The following FBXW11 variants were observed in gnomAD, a reference collection of about 807,000 sequenced individuals.
The protein encoded by FBXW11 is F-box and WD repeat domain containing 11, also known as F-box/WD repeat-containing protein 11.
Under a neutral mutation model 77.6 loss-of-function variants are expected in FBXW11, and 19 were observed. That is an observed-to-expected ratio of 0.24 (90% CI 0.17 to 0.36). The LOEUF (loss-of-function observed/expected upper bound fraction) is 0.36, where lower values mean the gene tolerates loss of function less well. FBXW11 is among the 10% of genes least tolerant of loss of function. The probability of loss-of-function intolerance (pLI) is 1.00; values close to 1 mark genes in which losing one functional copy is unlikely to be tolerated. For synonymous variants in FBXW11, 235 were observed against 249.4 expected (o/e 0.94, Z 0.54); for missense variants, 334 against 704.2 (o/e 0.47, Z 5.95).
At chr5:171,887,576 GTA>G (rs1344612030) in intron 7 of FBXW11, among the ~76,000 whole-genome samples, 1 of 152,046 alleles carries the variant, frequency 6.6e-6, no homozygotes, top group African/African-American at 2.4e-5. Context: ...GGGACAACAG[GTA>G]GATGTGGCAA....
In FBXW11 at chr5:171,876,477, A is replaced by G. The variant is rs754342662; in HGVS notation, c.1029T>C (p.Ala343=). 6.2e-7 allele frequency: 1 copy of G among 1,614,220 alleles called. No homozygotes were observed. Among genetic ancestry groups the G allele is most frequent in the South Asian group, 1.1e-5 (1 of 91,080 alleles). ...VLNTLIHHNE[A]VLHLRFSNGL... ...CATTGCTGAAGCGTAAGTGCAATACAGCCTCATTGTGGTGGATCAATGTGT... is the reference window on the plus strand; with the variant it reads ...CATTGCTGAAGCGTAAGTGCAATACGGCCTCATTGTGGTGGATCAATGTGT... The change falls in exon 9 of 14, where the codon GCT becomes GCC. Residue 343 remains alanine (A), a synonymous_variant. Coordinates refer to ENST00000517395, the MANE Select transcript of FBXW11 (RefSeq NM_001378974.1). The surrounding 1 kb of genome is among the most constrained non-coding windows in gnomAD (Gnocchi z 4.2).
intron 1 of FBXW11, among the ~76,000 whole-genome samples, chr5:171,964,311 A>G (rs553399006): frequency 6.6e-5 from 10 of 152,364 alleles, no homozygotes; most frequent in African/African-American, 2.4e-4. Context: ...AAGAGAAATA[A>G]AAGATCAATT....
intron 1 of FBXW11, among the ~76,000 whole-genome samples, chr5:171,961,355 A>G (rs1348393783): frequency 6.6e-6 from 1 of 152,240 alleles, no homozygotes; most frequent in African/African-American, 2.4e-5. Context: ...ACAGTGGTTA[A>G]AAAGTATTAC....
chr5:172,004,463 A>C (rs1032403782), intron 1 of FBXW11, among the ~76,000 whole-genome samples: 1 of 152,234 alleles, frequency 6.6e-6, no homozygotes, highest in Non-Finnish European at 1.5e-5. Context: ...AAACTTTTTA[A>C]GTTATAAGCA....
chr5:171,959,708 C>T (rs1206574250), intron 1 of FBXW11, among the ~76,000 whole-genome samples: 1 of 151,528 alleles, frequency 6.6e-6, no homozygotes, highest in African/African-American at 2.4e-5. Context: ...ATTAGCCAGG[C>T]GTGTGGTGGC....
intron 1 of FBXW11, among the ~76,000 whole-genome samples, chr5:171,998,336 CTTT>C (rs778327855): frequency 1.7e-5 from 2 of 114,828 alleles, no homozygotes; most frequent in Non-Finnish European, 1.7e-5. Flanking sequence ...TTTTTCTTGT[CTTT>C]TTTTTTTTTT....
chr5:171,890,208 C>G (rs996724849), intron 7 of FBXW11, among the ~76,000 whole-genome samples: 7 of 151,900 alleles, frequency 4.6e-5, no homozygotes, highest in South Asian at 2.1e-4. Flanking sequence ...CTGAGATGAT[C>G]AAGGGCTGAC....
intron 2 of FBXW11, among the ~76,000 whole-genome samples, chr5:171,956,641 A>C (rs1345397066): frequency 1.3e-5 from 2 of 152,226 alleles, no homozygotes; most frequent in Non-Finnish European, 2.9e-5. Context: ...GATAAACTTG[A>C]GAACAGCAAA....
rs111850090 is a variant in FBXW11 at position 171,909,685 on chromosome 5, ATGTG to A, written c.436+883_436+886del. Among the ~76,000 whole-genome samples the A allele has an allele frequency of 1.9e-3, 278 of 150,038 alleles. 1 individual carries two copies. The highest frequency in any genetic ancestry group is 3.6e-3 in the African/African-American group (148 of 40,976). ...TAAAAATCAAAGTAAATTTAACCAG[ATGTG>A]TGTGTGTGTGTGTGTGTGCACGTGC... On this transcript the variant is annotated intron_variant, in intron 4 of 13. Transcript: ENST00000517395.
At chr5:171,943,932 C>T (rs1429215954) in intron 2 of FBXW11, among the ~76,000 whole-genome samples, 7 of 152,112 alleles carry the variant, frequency 4.6e-5, no homozygotes, top group African/African-American at 9.7e-5. Context: ...CATAATGAGA[C>T]GTAAACACTC....
At chr5:171,969,678 A>G (rs1764414538) in intron 1 of FBXW11, among the ~76,000 whole-genome samples, 1 of 152,160 alleles carries the variant, frequency 6.6e-6, no homozygotes, top group Non-Finnish European at 1.5e-5. Context: ...TGCCTTCAAG[A>G]GTATTAAAAC....
At chr5:171,938,130 T>G (rs1762570989) in intron 2 of FBXW11, among the ~76,000 whole-genome samples, 1 of 152,218 alleles carries the variant, frequency 6.6e-6, no homozygotes, top group South Asian at 2.1e-4. Flanking sequence ...CGATCATAGC[T>G]CACTACAGCC....
intron 1 of FBXW11, among the ~76,000 whole-genome samples, chr5:171,988,433 C>G (rs1039370171): frequency 2.6e-5 from 4 of 152,122 alleles, no homozygotes; most frequent in African/African-American, 9.7e-5. Context: ...CTGAGACAAT[C>G]TGAGCATTAG....
intron 2 of FBXW11, among the ~76,000 whole-genome samples, chr5:171,956,747 T>C (rs1297886853): frequency 1.3e-5 from 2 of 152,236 alleles, no homozygotes; most frequent in Non-Finnish European, 2.9e-5. Flanking sequence ...AGGAATTTAA[T>C]ATGGCTTTTC....
intron 1 of FBXW11, chr5:171,977,733 C>T (rs1764917501): frequency 2.7e-6 from 1 of 374,630 alleles, no homozygotes; most frequent in Non-Finnish European, 5.3e-6. Flanking sequence ...GAGAGAGAAG[C>T]TTGTGCAGGG....
intron 2 of FBXW11, among the ~76,000 whole-genome samples, chr5:171,948,272 G>A (rs1026591655): frequency 6.6e-6 from 1 of 150,450 alleles, no homozygotes; most frequent in African/African-American, 2.4e-5. Context: ...ATACTTCAGT[G>A]TATGGAGTAT....
At chr5:171,868,470 T>G (rs1433254256) in intron 13 of FBXW11, 140 bp downstream of exon 13, 1 of 600,942 alleles carries the variant, frequency 1.7e-6, no homozygotes, top group Non-Finnish European at 2.9e-6. Flanking sequence ...GATCCAGCCT[T>G]ACACTTGAAC....
At chr5:171,917,766 CTGTGTG>C (rs60601173) in intron 2 of FBXW11, among the ~76,000 whole-genome samples, 2,441 of 147,574 alleles carry the variant, frequency 0.017, 37 homozygotes, top group South Asian at 0.031. Context: ...TAGACTCACT[CTGTGTG>C]TGTGTGTGTG....
chr5:171,863,015 G>A lies in FBXW11; in HGVS notation c.*1112C>T, dbSNP rs1757181073. On this transcript the variant is annotated 3_prime_UTR_variant, in exon 14 of 14. Transcript: ENST00000517395. Reference sequence around the variant, plus strand: ...ACCACTTGTACTCAGGAGTACTTATGAGAAAAAGAATAAGAACAAAAAATG... The same window carrying A: ...ACCACTTGTACTCAGGAGTACTTATAAGAAAAAGAATAAGAACAAAAAATG... 6.6e-6 allele frequency: 1 copy of A among 152,218 alleles called. No homozygotes were observed. The highest frequency in any genetic ancestry group is 6.5e-5 in the Admixed American group (1 of 15,284). The allele number at this position is 152,218 out of a possible 1,614,324, so 9.4% of individuals were successfully genotyped here. A position where few individuals can be genotyped will look rare whatever the true frequency, so the allele number is the denominator to read the frequency against.
Sources: gnomAD v4.1 joint callset for allele counts (sites outside exome capture counted in the v4.1 genomes callset) on GRCh38, gnomAD v4.1.1 for gene constraint, Gnocchi (gnomAD v3.1) non-coding constraint, MANE v1.5 for transcripts, NCBI Gene and HGNC (gene_info 2026-07-23, HGNC 2026-07-21) for gene names.